Variants in SUMF1 observed in about 807,000 individuals in gnomAD.
SUMF1 encodes formylglycine-generating enzyme.
SUMF1 carries 48 observed loss-of-function variants against 47.6 expected under a neutral mutation model. That is an observed-to-expected ratio of 1.01 (90% CI 0.80 to 1.28). The LOEUF is 1.28. Among genes scored for constraint, SUMF1 ranks in the 50% most tolerant of loss-of-function variants. The probability of loss-of-function intolerance (pLI) is 0.00; values close to 1 mark genes in which losing one functional copy is unlikely to be tolerated. For synonymous variants in SUMF1, 230 were observed against 192.1 expected, an observed-to-expected ratio of 1.20 and a Z score of -1.63; for missense variants, 571 against 485.4, an observed-to-expected ratio of 1.18 and a Z score of -1.66.
chr3:4,415,872 G>A (rs1285068808), intron 6 of SUMF1, among the ~76,000 whole-genome samples: 3 of 152,168 alleles, frequency 2.0e-5, no homozygotes, highest in Non-Finnish European at 4.4e-5. Context: ...GTGCTCTTTT[G>A]CCCGCCTTCT....
intron 9 of SUMF1, among the ~76,000 whole-genome samples, chr3:4,048,857 A>G (rs947277188): frequency 6.6e-5 from 10 of 152,144 alleles, no homozygotes; most frequent in Middle Eastern, 3.2e-3. Flanking sequence ...TTATTTCTGG[A>G]TCCCTCATGA....
At chr3:4,314,848 GTAATT>G (rs1698572917) in intron 8 of SUMF1, among the ~76,000 whole-genome samples, 1 of 152,150 alleles carries the variant, frequency 6.6e-6, no homozygotes, top group Non-Finnish European at 1.5e-5. Flanking sequence ...ATATTATTAA[GTAATT>G]TAATTTCTTC....
chr3:4,304,068 G>A, intron 8 of SUMF1: 1 of 199,464 alleles, frequency 5.0e-6, no homozygotes, highest in Non-Finnish European at 1.1e-5. Context: ...AAATGGCAAG[G>A]AAAATACACT....
At chr3:4,392,664 A>AAG (rs1307920041) in intron 7 of SUMF1, among the ~76,000 whole-genome samples, 8 of 148,328 alleles carry the variant, frequency 5.4e-5, no homozygotes, top group African/African-American at 2.0e-4. Flanking sequence ...TAAAGAGAGA[A>AAG]AGAGAGCGAG....
At chr3:4,316,344 A>AC in intron 8 of SUMF1, 1 of 1,454,368 alleles carries the variant, frequency 6.9e-7, no homozygotes, top group Non-Finnish European at 9.4e-7. Flanking sequence ...TAACGAACGT[A>AC]CAGTGCAGTG....
At chr3:4,375,409 A>T (rs527324408) in intron 8 of SUMF1, among the ~76,000 whole-genome samples, 16 of 152,318 alleles carry the variant, frequency 1.1e-4, no homozygotes, top group Admixed American at 3.9e-4. Flanking sequence ...TGCCCAGCTC[A>T]CACTGAAGAA....
chr3:4,088,936 T>C (rs1692727549), intron 8 of SUMF1, among the ~76,000 whole-genome samples: 1 of 152,082 alleles, frequency 6.6e-6, no homozygotes, highest in Non-Finnish European at 1.5e-5. Context: ...GACAAATGAA[T>C]GTAGCAATCT....
intron 8 of SUMF1, among the ~76,000 whole-genome samples, chr3:4,349,097 A>G (rs1699433338): frequency 6.6e-6 from 1 of 152,224 alleles, no homozygotes; most frequent in African/African-American, 2.4e-5. Context: ...TTTGCAATCT[A>G]CCCATCTGAC....
intron 8 of SUMF1, among the ~76,000 whole-genome samples, chr3:4,347,605 C>T (rs548428698): frequency 6.6e-6 from 1 of 152,300 alleles, no homozygotes; most frequent in South Asian, 2.1e-4. Context: ...TAGAAGCATT[C>T]CCTTTGAAAA....
intron 8 of SUMF1, among the ~76,000 whole-genome samples, chr3:4,241,941 A>C (rs192887060): frequency 2.6e-5 from 4 of 152,240 alleles, no homozygotes; most frequent in Admixed American, 2.6e-4. Flanking sequence ...ACGTCACCCT[A>C]ATCTTCTTAC....
chr3:4,245,688 G>A (rs937618013), intron 8 of SUMF1, among the ~76,000 whole-genome samples: 2 of 152,080 alleles, frequency 1.3e-5, no homozygotes, highest in African/African-American at 2.4e-5. Flanking sequence ...GTCAGGCTAC[G>A]CAAGGGTCAG....
intron 8 of SUMF1, among the ~76,000 whole-genome samples, chr3:4,079,525 T>A (rs750082239): frequency 9.2e-5 from 14 of 151,892 alleles, no homozygotes; most frequent in South Asian, 4.2e-4. Context: ...TTAGATTTCC[T>A]AGGATCAAAG....
At chr3:4,280,324 T>C (rs1697501466) in intron 8 of SUMF1, among the ~76,000 whole-genome samples, 2 of 152,172 alleles carry the variant, frequency 1.3e-5, no homozygotes. Context: ...AGCTTTAGCC[T>C]ACTCCATTTA....
intron 7 of SUMF1, among the ~76,000 whole-genome samples, chr3:4,390,775 G>A (rs1318800238): frequency 1.3e-5 from 2 of 152,072 alleles, no homozygotes; most frequent in African/African-American, 2.4e-5. Context: ...TAGAGACCAG[G>A]TTTTGTCATG....
At chr3:4,391,764 T>G (rs1161944507) in intron 7 of SUMF1, among the ~76,000 whole-genome samples, 1 of 152,138 alleles carries the variant, frequency 6.6e-6, no homozygotes, top group Non-Finnish European at 1.5e-5. Context: ...ATTACAGGCA[T>G]GGGCCACCAT....
rs1036770387 is a variant in SUMF1, at chr3:4,435,896, A to C, written c.519+13370T>G. On this transcript the variant is annotated intron_variant, in intron 3 of 8. Transcript: ENST00000272902. ...GAAGTTTTATTTTAGGCTGAAGAGA[A>C]ATGATACCAGAAGGAAACATGGAAC... is the stretch of plus-strand genomic sequence containing the variant. 3.3e-5 allele frequency among the ~76,000 whole-genome samples: 5 copies of C among 152,242 alleles called. 1 individual carries two copies. Among genetic ancestry groups the C allele is most frequent in the Non-Finnish European group, 7.3e-5 (5 of 68,040 alleles).
intron 8 of SUMF1, among the ~76,000 whole-genome samples, chr3:4,135,065 C>T (rs1177829460): frequency 6.6e-6 from 1 of 152,108 alleles, no homozygotes; most frequent in Admixed American, 6.5e-5. Flanking sequence ...TGGTACCATG[C>T]CTTCTGAAAC....
chr3:4,195,275 G>C (rs981599024), intron 8 of SUMF1, among the ~76,000 whole-genome samples: 1 of 152,110 alleles, frequency 6.6e-6, no homozygotes, highest in African/African-American at 2.4e-5. Context: ...TAGGAGACAA[G>C]CTACAAGTCC....
At chr3:4,070,279 G>A (rs1695490283) in intron 8 of SUMF1, among the ~76,000 whole-genome samples, 2 of 152,124 alleles carry the variant, frequency 1.3e-5, no homozygotes, top group Admixed American at 1.3e-4. Flanking sequence ...TTGGGTACAT[G>A]TTCTCAGGAC....
Sources: gnomAD v4.1 joint callset for allele counts (sites outside exome capture counted in the v4.1 genomes callset) on GRCh38, gnomAD v4.1.1 for gene constraint, MANE v1.5 for transcripts, NCBI Gene and HGNC (gene_info 2026-07-23, HGNC 2026-07-21) for gene names.